The following C1QTNF3 variants were observed in gnomAD, a reference collection of about 807,000 sequenced individuals.
C1QTNF3 encodes C1q and TNF related 3, also known as complement C1q tumor necrosis factor-related protein 3.
In C1QTNF3, 26 loss-of-function variants were observed where a neutral mutation model predicts 32.6. The ratio of observed to expected loss-of-function variants is 0.80; its 90% CI spans 0.58 to 1.11. The LOEUF is 1.11. Ranked by LOEUF, C1QTNF3 falls within the 50% of genes least tolerant of loss-of-function variation. The probability of loss-of-function intolerance (pLI) is 0.00; values close to 1 mark genes in which losing one functional copy is unlikely to be tolerated. For synonymous variants in C1QTNF3, 155 were observed against 146.0 expected (o/e 1.06, Z -0.44); for missense variants, 362 against 398.2 (o/e 0.91, Z 0.77).
chr5:34,087,283 A>AATGGATTTTGCTACAATTCCAT, the C1QTNF3 span, among the ~76,000 whole-genome samples: 1 of 151,066 alleles, frequency 6.6e-6, no homozygotes, highest in Non-Finnish European at 1.5e-5. Context: ...CCATGAAGTA[A>AATGGATTTTGCTACAATTCCAT]GATTATGTAA....
chr5:34,177,804 T>A, the C1QTNF3 span, among the ~76,000 whole-genome samples: 1 of 151,750 alleles, frequency 6.6e-6, no homozygotes, highest in Non-Finnish European at 1.5e-5. Flanking sequence ...ATCTTAAATA[T>A]TTTGTAGAGA....
intron 4 of C1QTNF3, among the ~76,000 whole-genome samples, chr5:34,026,512 A>C (rs1414196091): frequency 6.6e-6 from 1 of 151,658 alleles, no homozygotes; most frequent in Non-Finnish European, 1.5e-5. Flanking sequence ...AGTCTCCTGA[A>C]GGCAAGGGAA....
chr5:34,046,145 C>T (rs116451387), upstream of C1QTNF3, among the ~76,000 whole-genome samples: 2,014 of 152,214 alleles, frequency 0.013, 47 homozygotes, highest in African/African-American at 0.046. Context: ...ATGGGAGAGA[C>T]CAAATAAGGC....
the C1QTNF3 span, among the ~76,000 whole-genome samples, chr5:34,052,212 C>T: frequency 6.6e-6 from 1 of 152,190 alleles, no homozygotes; most frequent in Non-Finnish European, 1.5e-5. Context: ...TAATTTATTA[C>T]TACAGATAGT....
At chr5:34,135,665 T>G in the C1QTNF3 span, among the ~76,000 whole-genome samples, 1 of 149,854 alleles carries the variant, frequency 6.7e-6, no homozygotes, top group South Asian at 2.1e-4. Flanking sequence ...AAGACAATCC[T>G]AAGCAAAAAC....
the C1QTNF3 span, among the ~76,000 whole-genome samples, chr5:34,212,347 A>T: frequency 6.6e-6 from 1 of 152,178 alleles, no homozygotes; most frequent in South Asian, 2.1e-4. Flanking sequence ...GGCATGGGCA[A>T]GGACTTCATG....
upstream of C1QTNF3, among the ~76,000 whole-genome samples, chr5:34,046,494 G>A (rs1754988421): frequency 6.6e-6 from 1 of 152,188 alleles, no homozygotes; most frequent in Non-Finnish European, 1.5e-5. Context: ...AAGCAGGGAT[G>A]AGGGTAATGC....
chr5:34,048,599 A>G, the C1QTNF3 span, among the ~76,000 whole-genome samples: 1 of 152,118 alleles, frequency 6.6e-6, no homozygotes, highest in African/African-American at 2.4e-5. Context: ...CAATGAGAAG[A>G]ATTCTGGGAA....
the C1QTNF3 span, among the ~76,000 whole-genome samples, chr5:34,076,913 A>T: frequency 6.6e-6 from 1 of 151,608 alleles, no homozygotes; most frequent in Non-Finnish European, 1.5e-5. Flanking sequence ...TGAGAGCCAA[A>T]CATGATTTAT....
At chr5:34,223,192 C>T in the C1QTNF3 span, among the ~76,000 whole-genome samples, 1 of 130,266 alleles carries the variant, frequency 7.7e-6, no homozygotes, top group African/African-American at 2.9e-5. Context: ...ATAACAGTCC[C>T]CAGCGTGTGG....
chr5:34,227,366 T>A, the C1QTNF3 span, among the ~76,000 whole-genome samples: 1 of 151,982 alleles, frequency 6.6e-6, no homozygotes, highest in South Asian at 2.1e-4. Flanking sequence ...GCTGCATGTA[T>A]GCTCTGTGTG....
At chr5:34,101,375 CATA>C in the C1QTNF3 span, among the ~76,000 whole-genome samples, 1 of 151,988 alleles carries the variant, frequency 6.6e-6, no homozygotes, top group Non-Finnish European at 1.5e-5. Context: ...GTAAAATGGG[CATA>C]ATCTTTTCAG....
the C1QTNF3 span, among the ~76,000 whole-genome samples, chr5:34,068,334 G>T: frequency 2.6e-5 from 4 of 151,860 alleles, no homozygotes; most frequent in African/African-American, 9.7e-5. Context: ...GGTTTTGTCT[G>T]ATGATTTTAT....
chr5:34,144,290 A>C, the C1QTNF3 span, among the ~76,000 whole-genome samples: 1 of 152,226 alleles, frequency 6.6e-6, no homozygotes, highest in South Asian at 2.1e-4. Flanking sequence ...TTTATCTACC[A>C]AAAGACTTAT....
chr5:34,062,215 T>C, the C1QTNF3 span, among the ~76,000 whole-genome samples: 1 of 152,296 alleles, frequency 6.6e-6, no homozygotes, highest in East Asian at 1.9e-4. Context: ...GGTTCCTGAG[T>C]ATTTCATAAC....
chr5:34,122,424 T>C, the C1QTNF3 span, among the ~76,000 whole-genome samples: 2 of 152,208 alleles, frequency 1.3e-5, no homozygotes, highest in African/African-American at 2.4e-5. Context: ...GGTCACTCTC[T>C]TAATAAAGGA....
intron 1 of C1QTNF3, 28 bp from the exon 2 acceptor site, chr5:34,035,786 A>C (rs749293527): frequency 6.5e-7 from 1 of 1,538,930 alleles, no homozygotes; most frequent in South Asian, 1.1e-5. Flanking sequence ...GAAGCTTCAG[A>C]AAAAAAGGTA....
chr5:34,085,636 G>A, the C1QTNF3 span, among the ~76,000 whole-genome samples: 4 of 151,522 alleles, frequency 2.6e-5, no homozygotes, highest in African/African-American at 9.8e-5. Flanking sequence ...AAGGATATGA[G>A]CAGACACATC....
At chr5:34,103,383 C>T in the C1QTNF3 span, among the ~76,000 whole-genome samples, 1 of 151,496 alleles carries the variant, frequency 6.6e-6, no homozygotes, top group Admixed American at 6.6e-5. Context: ...CTCACTGCAG[C>T]CTCAAACTCC....
Sources: gnomAD v4.1 joint callset for allele counts (sites outside exome capture counted in the v4.1 genomes callset) on GRCh38, gnomAD v4.1.1 for gene constraint, MANE v1.5 for transcripts, NCBI Gene and HGNC (gene_info 2026-07-23, HGNC 2026-07-21) for gene names.